Variants in P2RY6 observed in about 807,000 individuals in gnomAD.
P2RY6 encodes pyrimidinergic receptor P2Y6, also known as P2Y purinoceptor 6.
P2RY6 carries 19 observed loss-of-function variants against 16.3 expected under a neutral mutation model. The observed-to-expected ratio is 1.16, with a 90% CI of 0.81 to 1.71. The LOEUF (loss-of-function observed/expected upper bound fraction) is 1.71. Among genes scored for constraint, P2RY6 ranks in the 40% most tolerant of loss-of-function variants. The probability of loss-of-function intolerance (pLI) is 0.00; values close to 1 mark genes in which losing one functional copy is unlikely to be tolerated. For missense variants in P2RY6, 389 were observed against 455.5 expected (o/e 0.85, Z 1.33); for synonymous variants, 184 against 201.5 (o/e 0.91, Z 0.74).
intron 1 of P2RY6, among the ~76,000 whole-genome samples, chr11:73,276,454 G>T (rs1252535313): frequency 1.3e-5 from 2 of 152,098 alleles, no homozygotes; most frequent in African/African-American, 4.8e-5. Context: ...CAAAAAGTGG[G>T]AATAACCCAA....
At chr11:73,271,340 T>C (rs7127179), upstream of P2RY6, among the ~76,000 whole-genome samples, 23,821 of 151,984 alleles carry the variant, frequency 0.16, 2,014 homozygotes, top group African/African-American at 0.21. Flanking sequence ...CTTCAGACAC[T>C]GAGATAGTGA....
intron 1 of P2RY6, among the ~76,000 whole-genome samples, chr11:73,285,338 T>G (rs887776861): frequency 1.3e-5 from 2 of 152,224 alleles, no homozygotes; most frequent in African/African-American, 4.8e-5. Flanking sequence ...CCTCCCAAAG[T>G]GCTGAGATTC....
intron 1 of P2RY6, among the ~76,000 whole-genome samples, chr11:73,266,835 T>G (rs1863121563): frequency 6.6e-6 from 1 of 152,166 alleles, no homozygotes; most frequent in Non-Finnish European, 1.5e-5. Context: ...CAGGGAGTAC[T>G]GCTGCCCCAG....
intron 1 of P2RY6, among the ~76,000 whole-genome samples, chr11:73,282,290 A>G (rs898522791): frequency 6.6e-6 from 1 of 152,106 alleles, no homozygotes; most frequent in Non-Finnish European, 1.5e-5. Context: ...AGCCCAAGGG[A>G]CCTTCTAAGT....
chr11:73,284,835 G>A (rs1052626028), intron 1 of P2RY6, among the ~76,000 whole-genome samples: 1 of 152,008 alleles, frequency 6.6e-6, no homozygotes, highest in African/African-American at 2.4e-5. Context: ...AAAAAAACAC[G>A]AAAACCCCTG....
rs751682731 is a variant in P2RY6, at chr11:73,297,015, C to T, written c.497C>T (p.Ala166Val). Residue 166 changes from alanine to valine, a missense_variant, in exon 3 of 3, where the codon GCT (alanine) becomes GTT (valine). Transcript: ENST00000540124. The part of the protein sequence containing the change: ...TTQCLPTAIF[A>V]ATGIQRNRTV... ...CAGTGCCTGCCCACAGCCATCTTCG[C>T]TGCCACAGGCATCCAGCGTAACCGC... is the stretch of plus-strand genomic sequence containing the variant. 1.6e-5 allele frequency: 26 copies of T among 1,600,876 alleles called. No individual in the cohort carries two copies. Among genetic ancestry groups the T allele is most frequent in the Middle Eastern group, 1.6e-4 (1 of 6,062 alleles).
chr11:73,292,782 G>T, intron 1 of P2RY6: 3 of 985,344 alleles, frequency 3.0e-6, no homozygotes, highest in Non-Finnish European at 3.6e-6. Context: ...GCCCTGCCAG[G>T]AAACAGAGGA....
upstream of P2RY6, chr11:73,272,261 G>C (rs1341600288): frequency 1.2e-6 from 1 of 820,042 alleles, no homozygotes; most frequent in Non-Finnish European, 1.5e-6. Flanking sequence ...TCCTGGCCCT[G>C]CTGCTTGCCA....
rs1864569571 is a variant in P2RY6, at chr11:73,297,613, T to C, written c.*108T>C. On this transcript the variant is annotated 3_prime_UTR_variant, in exon 3 of 3. Transcript: ENST00000540124. Reference sequence around the variant, plus strand: ...AATTAGAGTTCAGCTCAGCTGGGCATGGAGTTAAGATCCCTCACAGGACCC... The same window carrying C: ...AATTAGAGTTCAGCTCAGCTGGGCACGGAGTTAAGATCCCTCACAGGACCC... The C allele has an allele frequency of 2.3e-6, 2 of 881,554 alleles. No homozygotes were observed. The highest frequency in any genetic ancestry group is 3.2e-4 in the Middle Eastern group (1 of 3,096). The allele number at this position is 881,554 out of a possible 1,614,324, so 54.6% of individuals were successfully genotyped here.
At chr11:73,266,787 G>A (rs1863120408) in intron 1 of P2RY6, among the ~76,000 whole-genome samples, 1 of 151,980 alleles carries the variant, frequency 6.6e-6, no homozygotes, top group Non-Finnish European at 1.5e-5. Context: ...GCAACCTCGG[G>A]CACCACAGAG....
At chr11:73,286,046 C>G (rs1863959038) in intron 1 of P2RY6, among the ~76,000 whole-genome samples, 3 of 152,182 alleles carry the variant, frequency 2.0e-5, no homozygotes, top group Admixed American at 2.0e-4. Context: ...AGTGAGCTCC[C>G]TGCAATGGGA....
At chr11:73,269,288 G>A (rs190834693), upstream of P2RY6, among the ~76,000 whole-genome samples, 1 of 152,208 alleles carries the variant, frequency 6.6e-6, no homozygotes, top group East Asian at 1.9e-4. Context: ...TTCAACCTTG[G>A]GCACTCCTCC....
intron 1 of P2RY6, among the ~76,000 whole-genome samples, chr11:73,272,722 C>T (rs891404994): frequency 5.9e-5 from 9 of 152,164 alleles, no homozygotes; most frequent in Non-Finnish European, 8.8e-5. Flanking sequence ...GGTGCTGCGC[C>T]GTGCCTTGCT....
chr11:73,281,671 G>C (rs1260005991), intron 1 of P2RY6, among the ~76,000 whole-genome samples: 2 of 152,334 alleles, frequency 1.3e-5, no homozygotes, highest in East Asian at 3.9e-4. Context: ...AGCTGCCCAG[G>C]GGCAAGGCCA....
In P2RY6 at chr11:73,296,898, G is replaced by A; in HGVS notation, c.380G>A (p.Gly127Asp). The change falls in exon 3 of 3, where the codon GGC becomes GAC. Residue 127 changes from glycine (G) to aspartate (D), a missense_variant. Coordinates refer to ENST00000540124, the MANE Select transcript of P2RY6 (RefSeq NM_001277204.2). ...LTCISFQRYLGICHPLAPWHK... is the reference protein window; with the variant it reads ...LTCISFQRYLDICHPLAPWHK... Reference sequence around the variant, plus strand: ...TGCATCAGCTTCCAGCGCTACCTGGGCATCTGCCACCCGCTGGCCCCCTGG... The same window carrying A: ...TGCATCAGCTTCCAGCGCTACCTGGACATCTGCCACCCGCTGGCCCCCTGG... The A allele has an allele frequency of 1.2e-6, 2 of 1,609,996 alleles. No homozygotes were observed. The highest frequency in any genetic ancestry group is 1.1e-5 in the South Asian group (1 of 91,084).
intron 1 of P2RY6, among the ~76,000 whole-genome samples, chr11:73,278,639 G>T (rs1482139377): frequency 6.6e-6 from 1 of 152,170 alleles, no homozygotes; most frequent in Non-Finnish European, 1.5e-5. Flanking sequence ...CTTTTGGACT[G>T]GCTTGTTGTA....
chr11:73,264,768 A>C (rs1863048173), intron 1 of P2RY6: 1 of 152,194 alleles, frequency 6.6e-6, no homozygotes, highest in African/African-American at 2.4e-5. Context: ...GAGTCCCTGC[A>C]TATGTGTGTA....
chr11:73,297,631 C>A lies in P2RY6; in HGVS notation c.*126C>A. 4 of 754,168 alleles carry A rather than the reference C, an allele frequency of 5.3e-6. No homozygotes were observed. The South Asian group carries it at 7.4e-5, about 14-fold the overall frequency. 46.7% of individuals were successfully genotyped at this position (754,168 alleles called of 1,614,324 possible). A position where few individuals can be genotyped will look rare whatever the true frequency, so the allele number is the denominator to read the frequency against. On this transcript the variant is annotated 3_prime_UTR_variant, in exon 3 of 3. Transcript: ENST00000540124. ...CTGGGCATGGAGTTAAGATCCCTCA[C>A]AGGACCCAGAAGCTCACCAAAAACT...
upstream of P2RY6, among the ~76,000 whole-genome samples, chr11:73,270,665 C>T (rs1223408884): frequency 6.6e-6 from 1 of 152,198 alleles, no homozygotes; most frequent in Non-Finnish European, 1.5e-5. Context: ...TTCCCCAGGG[C>T]TGGGAGTGGG....
Sources: allele counts gnomAD v4.1 joint callset (sites outside exome capture counted in the v4.1 genomes callset), GRCh38; gene constraint gnomAD v4.1.1; transcripts MANE v1.5; gene names NCBI Gene and HGNC (gene_info 2026-07-23, HGNC 2026-07-21).